Variants in PLPPR5 observed in about 807,000 individuals in gnomAD.
The protein encoded by PLPPR5 is phospholipid phosphatase-related protein type 5.
In PLPPR5, 16 loss-of-function variants were observed where a neutral mutation model predicts 33.9. The ratio of observed to expected loss-of-function variants is 0.47; its 90% CI spans 0.32 to 0.72. The LOEUF (loss-of-function observed/expected upper bound fraction) is 0.72. PLPPR5 is among the 30% of genes least tolerant of loss of function. PLPPR5 has a pLI of 0.03. For synonymous variants in PLPPR5, 163 were observed against 150.3 expected (o/e 1.08, Z -0.62); for missense variants, 301 against 406.7 (o/e 0.74, Z 2.23).
At chr1:98,994,610 T>C (rs1652568770) in intron 1 of PLPPR5, among the ~76,000 whole-genome samples, 1 of 152,144 alleles carries the variant, frequency 6.6e-6, no homozygotes, top group South Asian at 2.1e-4. Context: ...CTGTCTGATA[T>C]GTATGTACCA....
rs1490365462 is a variant in PLPPR5 at position 98,922,048 on chromosome 1, G to C, written c.632C>G (p.Thr211Ser). Residue 211 changes from threonine (T) to serine (S), a missense_variant, in exon 4 of 6, where the codon ACC becomes AGC. Coordinates refer to ENST00000263177, the MANE Select transcript of PLPPR5 (RefSeq NM_001037317.2). ...GGTTCCCTTGGCTTTGATTGTGTTG[G>C]TGATGTACATCTGAAACATTCAATA... ...YAAMYLTMYI[T>S]NTIKAKGTRL... 1 of 1,609,856 alleles carries C rather than the reference G, an allele frequency of 6.2e-7. No homozygotes were observed. Among genetic ancestry groups the C allele is most frequent in the Admixed American group, 1.7e-5 (1 of 59,114 alleles).
intron 2 of PLPPR5, among the ~76,000 whole-genome samples, chr1:98,954,119 A>G (rs1238256860): frequency 6.6e-6 from 1 of 151,588 alleles, no homozygotes; most frequent in Non-Finnish European, 1.5e-5. Flanking sequence ...TCCTTTGCTA[A>G]GGAACTTGCC....
chr1:98,975,433 G>C (rs1651812319), intron 1 of PLPPR5, among the ~76,000 whole-genome samples: 1 of 152,092 alleles, frequency 6.6e-6, no homozygotes, highest in Non-Finnish European at 1.5e-5. Context: ...ACAGGAAGCA[G>C]GGAGAAGCAC....
chr1:98,915,354 C>A (rs2101153228), intron 4 of PLPPR5, among the ~76,000 whole-genome samples: 1 of 152,150 alleles, frequency 6.6e-6, no homozygotes. Flanking sequence ...TCATAATAAA[C>A]CTTCTACAAT....
chr1:98,912,492 T>C (rs181400177), intron 5 of PLPPR5, among the ~76,000 whole-genome samples: 2 of 152,240 alleles, frequency 1.3e-5, no homozygotes, highest in Non-Finnish European at 2.9e-5. Flanking sequence ...CCTTTTTCAT[T>C]TGGTGAGAAG....
chr1:98,935,597 C>A (rs1311148175), intron 3 of PLPPR5, among the ~76,000 whole-genome samples: 1 of 152,094 alleles, frequency 6.6e-6, no homozygotes, highest in Admixed American at 6.5e-5. Flanking sequence ...CCCTATGATT[C>A]TATGTTAAAA....
At chr1:98,937,575 T>C (rs1650217922) in intron 3 of PLPPR5, among the ~76,000 whole-genome samples, 1 of 152,022 alleles carries the variant, frequency 6.6e-6, no homozygotes, top group Admixed American at 6.6e-5. Context: ...GAGAAGATTA[T>C]GGGTAGGCTG....
At chr1:98,944,271 G>A (rs551780500) in intron 3 of PLPPR5, among the ~76,000 whole-genome samples, 8 of 152,280 alleles carry the variant, frequency 5.3e-5, no homozygotes, top group East Asian at 1.9e-4. Flanking sequence ...AAAGAAGGAC[G>A]CACAATACTT....
At chr1:98,945,801 G>A (rs944067036) in intron 3 of PLPPR5, among the ~76,000 whole-genome samples, 1 of 152,152 alleles carries the variant, frequency 6.6e-6, no homozygotes, top group African/African-American at 2.4e-5. Flanking sequence ...CCATGAACTC[G>A]GCCACATTTA....
chr1:98,980,520 C>T (rs553436023), intron 1 of PLPPR5, among the ~76,000 whole-genome samples: 1 of 152,112 alleles, frequency 6.6e-6, no homozygotes, highest in African/African-American at 2.4e-5. Flanking sequence ...TGCAAGAAAA[C>T]CAAGCACATT....
chr1:99,004,293 C>T (rs1557700716), intron 1 of PLPPR5, 142 bp downstream of exon 1: 2 of 716,770 alleles, frequency 2.8e-6, no homozygotes, highest in South Asian at 3.9e-5. Flanking sequence ...CTAGAATGTC[C>T]TCTGGGGAAG....
chr1:98,955,381 A>G (rs1381293529), intron 2 of PLPPR5, among the ~76,000 whole-genome samples: 1 of 152,134 alleles, frequency 6.6e-6, no homozygotes, highest in Non-Finnish European at 1.5e-5. Context: ...GAAAGCATCA[A>G]TTTCTTTAAA....
intron 4 of PLPPR5, among the ~76,000 whole-genome samples, chr1:98,917,440 C>T (rs1473351474): frequency 6.6e-6 from 1 of 152,146 alleles, no homozygotes; most frequent in Non-Finnish European, 1.5e-5. Context: ...ATGATCTTTC[C>T]AAATGCAAAC....
intron 5 of PLPPR5, among the ~76,000 whole-genome samples, chr1:98,901,042 T>A (rs888456934): frequency 1.3e-5 from 2 of 152,190 alleles, no homozygotes; most frequent in Non-Finnish European, 2.9e-5. Flanking sequence ...AATGTTTGTA[T>A]CAGCTTTATT....
chr1:98,979,989 G>T (rs1409782557), intron 1 of PLPPR5, among the ~76,000 whole-genome samples: 1 of 151,902 alleles, frequency 6.6e-6, no homozygotes, highest in Non-Finnish European at 1.5e-5. Flanking sequence ...ATGCCTGACT[G>T]CCTGCCCATA....
intron 5 of PLPPR5, among the ~76,000 whole-genome samples, chr1:98,898,069 T>C (rs1358218058): frequency 6.6e-6 from 1 of 152,130 alleles, no homozygotes; most frequent in Non-Finnish European, 1.5e-5. Flanking sequence ...AATGCTCATA[T>C]CCAAACAAAG....
chr1:98,957,781 A>G (rs980852968), intron 1 of PLPPR5, among the ~76,000 whole-genome samples: 6 of 152,200 alleles, frequency 3.9e-5, no homozygotes, highest in Non-Finnish European at 8.8e-5. Flanking sequence ...TTTTACAAGT[A>G]AAGAAACACC....
rs1466461780 is a variant in PLPPR5, at chr1:98,939,285, C to CGGCCTCAGCCTCCCGA, written c.621+13784_621+13785insTCGGGAGGCTGAGGCC. Among the ~76,000 whole-genome samples the CGGCCTCAGCCTCCCGA allele has an allele frequency of 1.3e-3, 202 of 150,850 alleles. 3 individuals carry two copies. The highest frequency in any genetic ancestry group is 2.0e-3 in the Admixed American group (30 of 15,174). On this transcript the variant is annotated intron_variant, in intron 3 of 5. Transcript: ENST00000263177. The stretch of plus-strand genomic sequence containing the variant: ...TAGTTATTACTGAAAATAATTTTTC[C>CGGCCTCAGCCTCCCGA]ATATAGAGGAAGGGATGCTAAAAGT...
At chr1:98,959,879 C>T (rs1651164118) in intron 1 of PLPPR5, among the ~76,000 whole-genome samples, 1 of 152,126 alleles carries the variant, frequency 6.6e-6, no homozygotes, top group Non-Finnish European at 1.5e-5. Context: ...GAGTTGCTGT[C>T]ATTAGACGCC....
Sources: allele counts gnomAD v4.1 joint callset (sites outside exome capture counted in the v4.1 genomes callset), GRCh38; gene constraint gnomAD v4.1.1; transcripts MANE v1.5; gene names NCBI Gene and HGNC (gene_info 2026-07-23, HGNC 2026-07-21).